Variants in BDP1 observed in about 807,000 individuals in gnomAD.
The protein encoded by BDP1 is BDP1 general transcription factor IIIB subunit.
A neutral mutation model predicts 266.6 loss-of-function variants in BDP1; 169 were observed. That is an observed-to-expected ratio of 0.63 (90% CI 0.56 to 0.72). The LOEUF (loss-of-function observed/expected upper bound fraction) is 0.72. Ranked by LOEUF, BDP1 falls within the 30% of genes least tolerant of loss-of-function variation. The pLI is 0.00. For synonymous variants in BDP1, 1,090 were observed against 1,022.4 expected, an observed-to-expected ratio of 1.07 and a Z score of -1.26; for missense variants, 3,015 against 3,053.8, an observed-to-expected ratio of 0.99 and a Z score of 0.30.
At chr5:71,508,454 G>A (rs889080578) in intron 16 of BDP1, among the ~76,000 whole-genome samples, 2 of 144,338 alleles carry the variant, frequency 1.4e-5, no homozygotes, top group African/African-American at 2.5e-5. Flanking sequence ...ACAGGTGCAC[G>A]CCACCTCACT....
intron 4 of BDP1, among the ~76,000 whole-genome samples, chr5:71,465,753 C>T (rs975941650): frequency 1.6e-4 from 25 of 152,026 alleles, no homozygotes; most frequent in Admixed American, 4.6e-4. Flanking sequence ...TGGAGGTGCG[C>T]GCCTGTAATC....
chr5:71,573,227 CAAAA>C, the BDP1 span, among the ~76,000 whole-genome samples: 1 of 82,728 alleles, frequency 1.2e-5, no homozygotes, highest in African/African-American at 4.1e-5. Flanking sequence ...GACTCTGTTT[CAAAA>C]AAAAAAAAAA....
chr5:71,480,277 A>ATTTTTTTTTTTTT (rs552593030), intron 7 of BDP1, among the ~76,000 whole-genome samples: 2 of 105,008 alleles, frequency 1.9e-5, no homozygotes, highest in Admixed American at 1.2e-4. Flanking sequence ...TGCCCAGCTA[A>ATTTTTTTTTTTTT]TTTTTTTTTT....
intron 16 of BDP1, among the ~76,000 whole-genome samples, chr5:71,506,829 A>G (rs886249348): frequency 8.6e-5 from 11 of 127,390 alleles, no homozygotes; most frequent in Non-Finnish European, 1.8e-4. Flanking sequence ...ACACACCCAT[A>G]TTTTTTTAAA....
chr5:71,543,920 AC>A (rs562709577), intron 30 of BDP1, among the ~76,000 whole-genome samples: 66 of 152,208 alleles, frequency 4.3e-4, no homozygotes, highest in Non-Finnish European at 7.5e-4. Context: ...ACCTCTCTCA[AC>A]GTGCAGTCTC....
chr5:71,549,637 G>A (rs977014339), intron 34 of BDP1, 31 bp downstream of exon 34: 1 of 1,550,638 alleles, frequency 6.4e-7, no homozygotes, highest in African/African-American at 1.4e-5. Context: ...TTTTTGCTAG[G>A]AGGAAAAGTG....
At chr5:71,466,344 T>C (rs895308305) in intron 5 of BDP1, 123 bp downstream of exon 5, 6 of 1,014,562 alleles carry the variant, frequency 5.9e-6, no homozygotes, top group Non-Finnish European at 8.7e-6. Context: ...CTTATTTGCA[T>C]AATGAATATT....
rs62374366 is a variant in BDP1 at position 71,509,446 on chromosome 5, C to A, written c.2373-19C>A. The stretch of plus-strand genomic sequence containing the variant: ...GTCTGGTTTAAAACTTGATTGTGTG[C>A]CCCCTTTTTTTTTTATAGCGTTCAA... On this transcript the variant is annotated intron_variant, in intron 16 of 38. Transcript: ENST00000358731. The A allele has an allele frequency of 2.2e-6, 1 of 453,958 alleles. No individual in the cohort carries two copies. Among genetic ancestry groups the A allele is most frequent in the Non-Finnish European group, 3.1e-6 (1 of 324,162 alleles). 28.1% of individuals were successfully genotyped at this position (453,958 alleles called of 1,614,324 possible). A position where few individuals can be genotyped will look rare whatever the true frequency, so the allele number is the denominator to read the frequency against.
intron 13 of BDP1, among the ~76,000 whole-genome samples, chr5:71,497,925 A>G (rs905146184): frequency 6.6e-6 from 1 of 152,020 alleles, no homozygotes; most frequent in Admixed American, 6.6e-5. Context: ...AGTAGCTGGG[A>G]CTACAGGTGT....
chr5:71,531,618 C>T (rs750878243), intron 25 of BDP1, among the ~76,000 whole-genome samples: 1 of 152,176 alleles, frequency 6.6e-6, no homozygotes, highest in African/African-American at 2.4e-5. Context: ...AAGCGATTCT[C>T]CTGCCTCAGC....
intron 13 of BDP1, among the ~76,000 whole-genome samples, chr5:71,498,207 C>T (rs1018424958): frequency 6.6e-6 from 1 of 152,096 alleles, no homozygotes; most frequent in Non-Finnish European, 1.5e-5. Context: ...GCTTTGGCCT[C>T]CCAAAGTGCT....
intron 18 of BDP1, 54 bp from the exon 19 acceptor site, chr5:71,513,131 G>A (rs1765025665): frequency 6.3e-6 from 8 of 1,277,072 alleles, no homozygotes; most frequent in Non-Finnish European, 7.8e-6. Context: ...CTGAGACTCC[G>A]TTTCCACTGC....
chr5:71,463,161 T>C (rs1761683270), intron 3 of BDP1, among the ~76,000 whole-genome samples: 1 of 152,224 alleles, frequency 6.6e-6, no homozygotes, highest in South Asian at 2.1e-4. Context: ...TTTAACATAC[T>C]ATAAACTGAT....
intron 30 of BDP1, 136 bp downstream of exon 30, chr5:71,542,401 T>C: frequency 2.4e-6 from 2 of 827,672 alleles, no homozygotes; most frequent in Non-Finnish European, 3.7e-6. Context: ...TAAGACGAGC[T>C]ATAAAATAAA....
At chr5:71,460,379 C>CA (rs946210293) in intron 2 of BDP1, among the ~76,000 whole-genome samples, 7 of 151,490 alleles carry the variant, frequency 4.6e-5, no homozygotes, top group Admixed American at 3.9e-4. Flanking sequence ...GACTCCGTCT[C>CA]AAAAAAAACC....
At position 71,524,278 on chromosome 5, in the gene BDP1, A is replaced by C. The variant is rs746098546; in HGVS notation, c.5727A>C (p.Arg1909Ser). 6.2e-7 allele frequency: 1 copy of C among 1,608,894 alleles called. No individual in the cohort carries two copies. The highest frequency in any genetic ancestry group is 2.2e-5 in the East Asian group (1 of 44,704). The change falls in exon 25 of 39, where the codon AGA (arginine) becomes AGC (serine). Residue 1909 changes from arginine to serine, a missense_variant. By Grantham distance (110) the Arg-to-Ser change is moderately radical (BLOSUM62 -1). Around this residue, in one of 3 missense-constraint regions of BDP1, gnomAD observed 2,383 missense variants for 2,404.9 expected, o/e 0.99. Transcript: ENST00000358731. ...KAPVFVPVGL[R>S]SPEPVSAQIE... ...CAGTATTTGTACCTGTTGGTCTCAGATCTCCTGAACCTGTTTCTGCTCAGA... is the reference window on the plus strand; with the variant it reads ...CAGTATTTGTACCTGTTGGTCTCAGCTCTCCTGAACCTGTTTCTGCTCAGA...
the BDP1 span, among the ~76,000 whole-genome samples, chr5:71,577,489 C>T: frequency 6.6e-6 from 1 of 152,328 alleles, no homozygotes; most frequent in East Asian, 1.9e-4. Context: ...AAGTACAAAG[C>T]TTGCAATTGC....
intron 31 of BDP1, 135 bp from the exon 32 acceptor site, chr5:71,544,904 A>AGAAG (rs750106908): frequency 4.5e-6 from 2 of 442,762 alleles, no homozygotes; most frequent in Non-Finnish European, 3.8e-6. Context: ...AAAAAAAAAA[A>AGAAG]AAGTCCTATT....
intron 13 of BDP1, among the ~76,000 whole-genome samples, chr5:71,499,801 A>G (rs1328353361): frequency 6.6e-6 from 1 of 152,084 alleles, no homozygotes; most frequent in Non-Finnish European, 1.5e-5. Flanking sequence ...TAACTCTTGT[A>G]CATTAGAAGC....
Sources: gnomAD v4.1 joint callset for allele counts (sites outside exome capture counted in the v4.1 genomes callset) on GRCh38, gnomAD v4.1.1 for gene constraint, gnomAD v4.1.1 regional missense constraint, MANE v1.5 for transcripts, NCBI Gene and HGNC (gene_info 2026-07-23, HGNC 2026-07-21) for gene names.